Variants in NAALADL2 observed in about 807,000 individuals in gnomAD.
NAALADL2 encodes the protein inactive N-acetylated-alpha-linked acidic dipeptidase-like protein 2.
Under a neutral mutation model 87.2 loss-of-function variants are expected in NAALADL2, and 76 were observed. The observed-to-expected ratio is 0.87, with a 90% confidence interval of 0.72 to 1.05. The LOEUF is 1.05. NAALADL2 is among the 50% of genes least tolerant of loss of function. NAALADL2 has a pLI of 0.00. For missense variants in NAALADL2, 1,089 were observed against 945.8 expected (o/e 1.15, Z -1.99); for synonymous variants, 354 against 331.0 (o/e 1.07, Z -0.75).
intron 9 of NAALADL2, among the ~76,000 whole-genome samples, chr3:175,481,974 G>GA (rs992848028): frequency 6.6e-6 from 1 of 151,696 alleles, no homozygotes; most frequent in Admixed American, 6.6e-5. Flanking sequence ...TGTATCTCCA[G>GA]AAAAAAATTC....
Position 175,774,312 on chromosome 3 carries a change from C to T in NAALADL2, c.2189+18894C>T, listed in dbSNP as rs571123932. 2.0e-4 allele frequency among the ~76,000 whole-genome samples: 31 copies of T among 152,068 alleles called. No individual in the cohort carries two copies. In the South Asian group the frequency reaches 3.7e-3, roughly 18 times the overall value. On this transcript the variant is annotated intron_variant, in intron 13 of 13. Transcript: ENST00000454872. ...AAGCTAGACATAAACAAGACCTCTA[C>T]GCAGGCAGCATACAGCCAAAAATGT...
At chr3:174,907,963 C>A (rs1733167187) in intron 1 of NAALADL2, among the ~76,000 whole-genome samples, 1 of 148,178 alleles carries the variant, frequency 6.7e-6, no homozygotes, top group African/African-American at 2.5e-5. Context: ...TGCTTTCCAG[C>A]ATTAAGTAAC....
At chr3:174,690,472 A>T (rs1728476329) in intron 2 of NAALADL2, among the ~76,000 whole-genome samples, 1 of 152,154 alleles carries the variant, frequency 6.6e-6, no homozygotes, top group South Asian at 2.1e-4. Flanking sequence ...ATTACCTAGA[A>T]ATTTGCAAGT....
intron 3 of NAALADL2, among the ~76,000 whole-genome samples, chr3:174,783,527 T>G (rs1464485147): frequency 6.6e-6 from 1 of 152,290 alleles, no homozygotes; most frequent in Non-Finnish European, 1.5e-5. Context: ...TACAATCAAA[T>G]AGTGTGCATT....
At chr3:174,950,741 A>G (rs1010294803) in intron 1 of NAALADL2, among the ~76,000 whole-genome samples, 4 of 152,194 alleles carry the variant, frequency 2.6e-5, no homozygotes, top group African/African-American at 9.6e-5. Flanking sequence ...CAAACAATTC[A>G]TATTTGTAAT....
chr3:175,395,648 A>G (rs77035362), intron 5 of NAALADL2, among the ~76,000 whole-genome samples: 2,721 of 152,320 alleles, frequency 0.018, 81 homozygotes, highest in African/African-American at 0.061. Context: ...TTCAGCAAAG[A>G]TCAAGGCGGA....
intron 13 of NAALADL2, among the ~76,000 whole-genome samples, chr3:175,769,754 C>CTG (rs1191763183): frequency 4.6e-5 from 7 of 151,368 alleles, no homozygotes; most frequent in Non-Finnish European, 2.9e-5. Flanking sequence ...GTGTATGTCT[C>CTG]TGTGTGTGTC....
chr3:174,826,053 GACAACA>G (rs890058578), intron 3 of NAALADL2, among the ~76,000 whole-genome samples: 108 of 112,846 alleles, frequency 9.6e-4, no homozygotes, highest in African/African-American at 3.3e-3. Context: ...CAACAACAAC[GACAACA>G]ACAACAACAA....
chr3:175,403,017 G>A (rs537113764), intron 5 of NAALADL2, among the ~76,000 whole-genome samples: 75 of 152,050 alleles, frequency 4.9e-4, no homozygotes, highest in Non-Finnish European at 8.5e-4. Flanking sequence ...TGGAGTTACC[G>A]CGCATGCCAG....
In NAALADL2 at chr3:175,763,083, CAAATAAAT is replaced by C. The variant is rs34773320; in HGVS notation, c.2189+7687_2189+7694del. Among the ~76,000 whole-genome samples the C allele has an allele frequency of 5.0e-3, 741 of 148,812 alleles. 5 individuals are homozygous for C. Among genetic ancestry groups the C allele is most frequent in the African/African-American group, 0.017 (678 of 39,826 alleles). On this transcript the variant is annotated intron_variant, in intron 13 of 13. Transcript: ENST00000454872. ...TGGGGGACACAGCAAGACTCTGACT[CAAATAAAT>C]AAATAAATAAATAAATAAATAGTAA... is the stretch of plus-strand genomic sequence containing the variant.
intron 2 of NAALADL2, among the ~76,000 whole-genome samples, chr3:175,162,359 A>G (rs991831954): frequency 3.3e-5 from 5 of 152,132 alleles, no homozygotes; most frequent in Non-Finnish European, 5.9e-5. Context: ...GTCTACATAG[A>G]TATCCACAAT....
intron 12 of NAALADL2, among the ~76,000 whole-genome samples, chr3:175,738,361 C>G (rs1744798423): frequency 1.3e-5 from 2 of 152,068 alleles, no homozygotes; most frequent in South Asian, 4.1e-4. Context: ...AATTCTCCTG[C>G]CTCAGCCTCC....
At chr3:174,997,775 C>T (rs1207132902) in intron 1 of NAALADL2, among the ~76,000 whole-genome samples, 1 of 151,922 alleles carries the variant, frequency 6.6e-6, no homozygotes, top group African/African-American at 2.4e-5. Flanking sequence ...CAAGATTGTT[C>T]CACTTTACTC....
intron 2 of NAALADL2, among the ~76,000 whole-genome samples, chr3:174,629,584 T>C (rs1434655232): frequency 2.0e-5 from 3 of 152,228 alleles, no homozygotes; most frequent in African/African-American, 7.2e-5. Flanking sequence ...ATAATATGCT[T>C]TTAATGAAGG....
intron 3 of NAALADL2, among the ~76,000 whole-genome samples, chr3:174,800,411 G>A (rs924961770): frequency 1.3e-5 from 2 of 152,202 alleles, no homozygotes; most frequent in African/African-American, 2.4e-5. Context: ...CTTCCATGTG[G>A]TGTTGAGCCT....
rs546806662 is a variant in NAALADL2 at position 175,411,735 on chromosome 3, A to T, written c.1091-35494A>T. 2.6e-5 allele frequency among the ~76,000 whole-genome samples: 4 copies of T among 152,196 alleles called. No individual in the cohort carries two copies. In the South Asian group the frequency reaches 8.3e-4, roughly 32 times the overall value. The stretch of plus-strand genomic sequence containing the variant: ...ACAAGCTAAGATGTCCAAAATCAGA[A>T]ACAAAAGTATTTTAATTTTGTCTGG... On this transcript the variant is annotated intron_variant, in intron 5 of 13. Coordinates refer to ENST00000454872, the MANE Select transcript of NAALADL2 (RefSeq NM_207015.3).
chr3:174,895,820 G>A (rs543925226), intron 1 of NAALADL2, among the ~76,000 whole-genome samples: 6 of 152,076 alleles, frequency 3.9e-5, no homozygotes, highest in African/African-American at 1.4e-4. Flanking sequence ...CCTGAATTCA[G>A]CAACACATTA....
At chr3:174,925,157 A>C (rs547163593) in intron 1 of NAALADL2, among the ~76,000 whole-genome samples, 174 of 152,134 alleles carry the variant, frequency 1.1e-3, no homozygotes, top group Admixed American at 3.1e-3. Context: ...TGCCTATGTT[A>C]TGAATGGTGT....
chr3:175,263,987 G>A (rs1375069829), intron 4 of NAALADL2, among the ~76,000 whole-genome samples: 1 of 151,768 alleles, frequency 6.6e-6, no homozygotes, highest in Non-Finnish European at 1.5e-5. Flanking sequence ...TCACATTTCA[G>A]CTTTTCCCTC....
Sources: gnomAD v4.1 joint callset for allele counts (sites outside exome capture counted in the v4.1 genomes callset) on GRCh38, gnomAD v4.1.1 for gene constraint, MANE v1.5 for transcripts, NCBI Gene and HGNC (gene_info 2026-07-23, HGNC 2026-07-21) for gene names.